The following AGBL1 variants were observed in gnomAD, a reference collection of about 807,000 sequenced individuals.
AGBL1 encodes the protein AGBL carboxypeptidase 1.
In AGBL1, 130 loss-of-function variants were observed where a neutral mutation model predicts 118.9. The observed-to-expected ratio is 1.09, with a 90% CI of 0.95 to 1.26. The LOEUF (loss-of-function observed/expected upper bound fraction) is 1.26, where lower values mean the gene tolerates loss of function less well. Among genes scored for constraint, AGBL1 ranks in the 50% most tolerant of loss-of-function variants. The pLI is 0.00. For synonymous variants in AGBL1, 555 were observed against 478.9 expected, an observed-to-expected ratio of 1.16 and a Z score of -2.08; for missense variants, 1,584 against 1,298.1, an observed-to-expected ratio of 1.22 and a Z score of -3.38.
downstream of AGBL1, among the ~76,000 whole-genome samples, chr15:87,030,345 C>T (rs933843550): frequency 1.3e-5 from 2 of 151,954 alleles, no homozygotes; most frequent in Non-Finnish European, 2.9e-5. Context: ...AATACCCAAT[C>T]GTTTTAAGAA....
chr15:86,226,473 A>G (rs752660246), intron 6 of AGBL1, among the ~76,000 whole-genome samples: 48 of 152,198 alleles, frequency 3.2e-4, no homozygotes, highest in Non-Finnish European at 5.0e-4. Flanking sequence ...AGGCTGGCTT[A>G]CTTTCTACAT....
At chr15:86,187,214 AT>A (rs1297579334) in intron 5 of AGBL1, among the ~76,000 whole-genome samples, 4 of 152,214 alleles carry the variant, frequency 2.6e-5, no homozygotes. Flanking sequence ...AAGGAAAGAC[AT>A]TGCTTTACAT....
At chr15:86,300,416 C>T (rs1274870942) in intron 17 of AGBL1, among the ~76,000 whole-genome samples, 1 of 152,134 alleles carries the variant, frequency 6.6e-6, no homozygotes, top group Non-Finnish European at 1.5e-5. Context: ...TGACTGTCCT[C>T]ATGAGTGATC....
rs529144264 is a variant in AGBL1, at chr15:86,131,056, G to A, written c.52-10948G>A. ...ACTGGACCACCATATGGGTCTTTCC[G>A]TATGGCAAGACCCATACTGGGCTTT... On this transcript the variant is annotated intron_variant, in intron 1 of 22. Transcript: ENST00000614907. Among the ~76,000 whole-genome samples, 12 of 152,222 alleles carry A rather than the reference G, an allele frequency of 7.9e-5. No individual in the cohort carries two copies. In the East Asian group the frequency reaches 9.7e-4, roughly 12 times the overall value.
chr15:87,009,064 C>G (rs561800778), intron 24 of AGBL1, among the ~76,000 whole-genome samples: 1 of 152,234 alleles, frequency 6.6e-6, no homozygotes, highest in South Asian at 2.1e-4. Context: ...GCATAAGTAA[C>G]AAGGAGCTGA....
At chr15:86,778,534 C>T (rs983323402) in intron 22 of AGBL1, among the ~76,000 whole-genome samples, 1 of 152,082 alleles carries the variant, frequency 6.6e-6, no homozygotes, top group Admixed American at 6.6e-5. Context: ...CAGGGATGTT[C>T]CTTGCTGAGA....
At chr15:86,524,772 A>G (rs558568979) in intron 19 of AGBL1, among the ~76,000 whole-genome samples, 3 of 152,318 alleles carry the variant, frequency 2.0e-5, no homozygotes, top group African/African-American at 7.2e-5. Flanking sequence ...GAGTCATTCA[A>G]GGGACAGATC....
chr15:86,659,419 G>A (rs1275721934), intron 21 of AGBL1, among the ~76,000 whole-genome samples: 5 of 152,186 alleles, frequency 3.3e-5, no homozygotes, highest in Non-Finnish European at 7.3e-5. Context: ...TGAAGGTAAA[G>A]GTGATACAAT....
intron 17 of AGBL1, among the ~76,000 whole-genome samples, chr15:86,396,545 C>T (rs901082623): frequency 6.6e-6 from 1 of 151,990 alleles, no homozygotes; most frequent in South Asian, 2.1e-4. Context: ...TTTGTCAAAT[C>T]TCTCTCAAGG....
chr15:86,924,994 C>T (rs143614320), intron 23 of AGBL1, among the ~76,000 whole-genome samples: 2,580 of 151,672 alleles, frequency 0.017, 37 homozygotes, highest in Non-Finnish European at 0.027. Flanking sequence ...CCCAGCTAAT[C>T]GGGAGGCTGA....
intron 16 of AGBL1, 23 bp from the exon 17 acceptor site, chr15:86,295,232 T>G: frequency 6.2e-7 from 1 of 1,611,856 alleles, no homozygotes; most frequent in African/African-American, 1.3e-5. Context: ...ATAATATACA[T>G]GCCTGCTTTA....
chr15:86,220,770 G>T (rs2078268057), intron 5 of AGBL1, among the ~76,000 whole-genome samples: 1 of 152,168 alleles, frequency 6.6e-6, no homozygotes, highest in African/African-American at 2.4e-5. Context: ...ATGTAAACAT[G>T]GGGACATCCA....
At chr15:86,079,720 C>T (rs1301098685), upstream of AGBL1, 3 of 342,792 alleles carry the variant, frequency 8.8e-6, no homozygotes, top group Admixed American at 4.8e-5. Flanking sequence ...GCCCTCCCCA[C>T]CCCTGCACCC....
chr15:86,129,764 A>G (rs2076795089), intron 1 of AGBL1, among the ~76,000 whole-genome samples: 2 of 152,302 alleles, frequency 1.3e-5, no homozygotes, highest in South Asian at 4.1e-4. Context: ...AAATACCAAT[A>G]GTGCTGAGCT....
intron 18 of AGBL1, among the ~76,000 whole-genome samples, chr15:86,512,000 G>T (rs115598689): frequency 0.022 from 3,393 of 151,990 alleles, 70 homozygotes; most frequent in Middle Eastern, 0.071. Flanking sequence ...TAACAAAAAG[G>T]TTTTGAGCAC....
rs144917459 is a variant in AGBL1 at position 86,566,902 on chromosome 15, T to G, written c.2994+12365T>G. Among the ~76,000 whole-genome samples, 7 of 152,330 alleles carry G rather than the reference T, an allele frequency of 4.6e-5. No individual in the cohort carries two copies. The East Asian group carries it at 1.2e-3, about 25-fold the overall frequency. ...CCAGGGAGAGCTCTACATTTCACAG[T>G]TGTGACCTTGAGACAGTTCCTGACT... On this transcript the variant is annotated intron_variant, in intron 21 of 22. Transcript: ENST00000614907.
At chr15:86,250,512 T>TAAGA (rs2078795711) in intron 7 of AGBL1, among the ~76,000 whole-genome samples, 2 of 82,384 alleles carry the variant, frequency 2.4e-5, no homozygotes, top group South Asian at 9.2e-4. Context: ...GGCAACAGAG[T>TAAGA]AAGACTCTGT....
chr15:86,974,947 C>A (rs1169779387), intron 23 of AGBL1, among the ~76,000 whole-genome samples: 1 of 151,722 alleles, frequency 6.6e-6, no homozygotes, highest in African/African-American at 2.4e-5. Flanking sequence ...ATTATTGGAG[C>A]TTTTTTCTTG....
intron 24 of AGBL1, among the ~76,000 whole-genome samples, chr15:87,023,223 G>T (rs949320661): frequency 2.0e-5 from 3 of 151,992 alleles, no homozygotes; most frequent in Admixed American, 2.0e-4. Flanking sequence ...ACTATCTGCT[G>T]CCCTCAAGAT....
Sources: gnomAD v4.1 joint callset for allele counts (sites outside exome capture counted in the v4.1 genomes callset) on GRCh38, gnomAD v4.1.1 for gene constraint, MANE v1.5 for transcripts, NCBI Gene and HGNC (gene_info 2026-07-23, HGNC 2026-07-21) for gene names.